Variants in TGM5 observed in about 807,000 individuals in gnomAD.
The protein encoded by TGM5 is protein-glutamine gamma-glutamyltransferase 5.
In TGM5, 69 loss-of-function variants were observed where a neutral mutation model predicts 77.2. That is an observed-to-expected ratio of 0.89 (90% CI 0.74 to 1.09). The LOEUF (loss-of-function observed/expected upper bound fraction) is 1.09, where lower values mean the gene tolerates loss of function less well. Ranked by LOEUF, TGM5 falls within the 50% of genes least tolerant of loss-of-function variation. TGM5 has a pLI of 0.00. For synonymous variants in TGM5, 346 were observed against 351.8 expected (o/e 0.98, Z 0.18); for missense variants, 842 against 896.5 (o/e 0.94, Z 0.78).
chr15:43,241,118 G>A, intron 6 of TGM5, 128 bp from the exon 7 acceptor site: 1 of 1,202,222 alleles, frequency 8.3e-7, no homozygotes, highest in South Asian at 1.3e-5. Flanking sequence ...GGAGCTGTCT[G>A]GAACACTGGA....
In TGM5 at chr15:43,239,200, C is replaced by A. The variant is rs372095895; in HGVS notation, c.1068G>T (p.Trp356Cys). ...RKDLPPAYGG[W>C]QVLDATPQEM... ...CCTGAGGTGTGGCGTCCAGCACCTG[C>A]CAGCCTCCATATGCAGGGGGCAGAT... Residue 356 changes from tryptophan (W) to cysteine (C), a missense_variant, in exon 8 of 13, where the codon TGG becomes TGT. Physicochemically the swap from Trp to Cys is radical, Grantham distance 215. This residue lies in a region of TGM5 where 815 missense variants were observed against 844.6 expected (regional missense o/e 0.96). Coordinates refer to ENST00000220420, the MANE Select transcript of TGM5 (RefSeq NM_201631.4). 2 of 1,614,132 alleles carry A rather than the reference C, an allele frequency of 1.2e-6. No individual in the cohort carries two copies. Among genetic ancestry groups the A allele is most frequent in the Non-Finnish European group, 1.7e-6 (2 of 1,180,008 alleles).
intron 6 of TGM5, chr15:43,241,210 A>C (rs1206290230): frequency 1.6e-6 from 1 of 619,034 alleles, no homozygotes; most frequent in Non-Finnish European, 2.9e-6. Context: ...CTGACTGCTC[A>C]GACAAGCACT....
In TGM5 at chr15:43,260,465, G is replaced by T. The variant is rs148913728; in HGVS notation, c.125C>A (p.Thr42Asn). 2.4e-3 allele frequency: 3,935 copies of T among 1,614,196 alleles called. 10 individuals carry two copies. The highest frequency in any genetic ancestry group is 2.8e-3 in the Non-Finnish European group (3,250 of 1,180,038). The part of the protein sequence containing the change: ...LVRRGQAFNL[T>N]LYFRNRSFQP... ...GAAGCTCCGGTTCCTGAAGTACAGGGTGAGGTTGAAGGCCTGGCCCCGGCG... is the reference window on the plus strand; with the variant it reads ...GAAGCTCCGGTTCCTGAAGTACAGGTTGAGGTTGAAGGCCTGGCCCCGGCG... Residue 42 changes from threonine to asparagine, a missense_variant, in exon 2 of 13, where the codon ACC becomes AAC. This residue lies in a region of TGM5 where 815 missense variants were observed against 844.6 expected (regional missense o/e 0.96). Transcript: ENST00000220420.
intron 1 of TGM5, among the ~76,000 whole-genome samples, chr15:43,265,296 C>A (rs1232531838): frequency 6.6e-6 from 1 of 152,070 alleles, no homozygotes; most frequent in African/African-American, 2.4e-5. Context: ...CACTCATGAT[C>A]AAAAAAATGT....
At chr15:43,241,040 C>T (rs112830484) in intron 6 of TGM5, 50 bp from the exon 7 acceptor site, 11 of 1,613,116 alleles carry the variant, frequency 6.8e-6, no homozygotes, top group South Asian at 6.6e-5. Flanking sequence ...ATTCCGGACC[C>T]GTATATTCCT....
chr15:43,234,367 CAG>C (rs2042571219), intron 11 of TGM5, among the ~76,000 whole-genome samples: 1 of 152,212 alleles, frequency 6.6e-6, no homozygotes, highest in African/African-American at 2.4e-5. Context: ...GTTCAAGAAA[CAG>C]AGGCCCAAGG....
At chr15:43,238,726 G>A in intron 9 of TGM5, 91 bp downstream of exon 9, 4 of 1,554,054 alleles carry the variant, frequency 2.6e-6, no homozygotes, top group Middle Eastern at 2.0e-4. Context: ...GTGGGGCTGG[G>A]TCCTGCCTCG....
intron 6 of TGM5, 113 bp from the exon 7 acceptor site, chr15:43,241,103 A>G (rs1247844123): frequency 5.8e-6 from 8 of 1,380,708 alleles, no homozygotes; most frequent in Non-Finnish European, 7.1e-6. Context: ...CTGCAGGAAC[A>G]TGCTGGAGCT....
intron 9 of TGM5, among the ~76,000 whole-genome samples, chr15:43,236,532 A>G (rs977970325): frequency 1.3e-5 from 2 of 152,186 alleles, no homozygotes; most frequent in African/African-American, 4.8e-5. Context: ...AGTACTTACT[A>G]TCCCCAGGGA....
At chr15:43,243,015 G>A (rs1458194015) in intron 6 of TGM5, among the ~76,000 whole-genome samples, 3 of 152,192 alleles carry the variant, frequency 2.0e-5, no homozygotes, top group Admixed American at 6.5e-5. Flanking sequence ...AGATGGATGA[G>A]TTCATGAGTG....
intron 3 of TGM5, among the ~76,000 whole-genome samples, chr15:43,258,854 TGA>T (rs145440957): frequency 2.4e-4 from 36 of 148,858 alleles, no homozygotes; most frequent in Admixed American, 1.0e-3. Context: ...CAGAAGGCCC[TGA>T]GAGAGAGAGA....
chr15:43,238,767 A>G, intron 9 of TGM5, 50 bp downstream of exon 9: 1 of 1,606,488 alleles, frequency 6.2e-7, no homozygotes, highest in Non-Finnish European at 8.5e-7. Flanking sequence ...GGGGTAGGGG[A>G]AGGTTCCTGC....
At chr15:43,256,438 A>C in intron 4 of TGM5, 130 bp downstream of exon 4, 1 of 806,976 alleles carries the variant, frequency 1.2e-6, no homozygotes, top group East Asian at 2.4e-5. Context: ...ACCTGGGCTC[A>C]CAACACACAT....
intron 6 of TGM5, among the ~76,000 whole-genome samples, chr15:43,241,513 GA>G (rs2042636065): frequency 1.3e-5 from 2 of 152,282 alleles, no homozygotes; most frequent in East Asian, 3.9e-4. Flanking sequence ...AAGCCAAGAG[GA>G]AAGAAAACCA....
At chr15:43,244,339 T>C (rs2042657529) in intron 6 of TGM5, among the ~76,000 whole-genome samples, 1 of 152,254 alleles carries the variant, frequency 6.6e-6, no homozygotes, top group African/African-American at 2.4e-5. Flanking sequence ...TATATTCCTG[T>C]TAAAGTGAGG....
At chr15:43,239,338 C>T in intron 7 of TGM5, 72 bp from the exon 8 acceptor site, 1 of 1,468,098 alleles carries the variant, frequency 6.8e-7, no homozygotes, top group Admixed American at 1.7e-5. Flanking sequence ...GAGGGATGAG[C>T]AAATGAACTG....
At position 43,241,350 on chromosome 15, in the gene TGM5, A is replaced by G. The variant is rs867364515; in HGVS notation, c.863-360T>C. ...ATTTCTCTTCTGGCCCTAAATCTCC[A>G]TCTTCAAGCCAAAGCTGGAATTCCA... On this transcript the variant is annotated intron_variant, in intron 6 of 12. Coordinates refer to ENST00000220420, the MANE Select transcript of TGM5 (RefSeq NM_201631.4). 5.0e-4 allele frequency: 177 copies of G among 350,832 alleles called. 1 individual carries two copies. The highest frequency in any genetic ancestry group is 3.9e-3 in the Middle Eastern group (4 of 1,016). 21.7% of individuals were successfully genotyped at this position (350,832 alleles called of 1,614,324 possible).
intron 4 of TGM5, among the ~76,000 whole-genome samples, chr15:43,256,106 C>G (rs1436036554): frequency 6.6e-6 from 1 of 152,148 alleles, no homozygotes; most frequent in Non-Finnish European, 1.5e-5. Flanking sequence ...GCTCATCAGC[C>G]CTGCTTCTGG....
Position 43,252,784 on chromosome 15 carries a change from C to A in TGM5, c.837G>T (p.Trp279Cys), listed in dbSNP as rs1380322333. The stretch of plus-strand genomic sequence containing the variant: ...CTGTGCACATGACGGCAGCAAAGAC[C>A]CAGCATTGCCCGTAGCGCACGGGCT... Reference protein sequence around the residue: ...GCQPVRYGQCWVFAAVMCTVM... With the variant: ...GCQPVRYGQCCVFAAVMCTVM... The change falls in exon 6 of 13, where the codon TGG becomes TGT. Residue 279 changes from tryptophan (W) to cysteine (C), a missense_variant. Trp to Cys is a radical substitution (Grantham distance 215). Coordinates refer to ENST00000220420, the MANE Select transcript of TGM5 (RefSeq NM_201631.4). 6.2e-7 allele frequency: 1 copy of A among 1,613,942 alleles called. No individual in the cohort carries two copies. Among genetic ancestry groups the A allele is most frequent in the Non-Finnish European group, 8.5e-7 (1 of 1,180,046 alleles).
Sources: gnomAD v4.1 joint callset for allele counts (sites outside exome capture counted in the v4.1 genomes callset) on GRCh38, gnomAD v4.1.1 for gene constraint, gnomAD v4.1.1 regional missense constraint, MANE v1.5 for transcripts, NCBI Gene and HGNC (gene_info 2026-07-23, HGNC 2026-07-21) for gene names.